ASTN2: variants seen among roughly 807,000 people sequenced by gnomAD.
ASTN2 encodes astrotactin-2.
Under a neutral mutation model 139.8 loss-of-function variants are expected in ASTN2, and 54 were observed. The observed-to-expected ratio is 0.39, with a 90% CI of 0.31 to 0.48. The LOEUF (loss-of-function observed/expected upper bound fraction) is 0.48. ASTN2 is among the 20% of genes least tolerant of loss of function. The pLI, the probability that ASTN2 is intolerant of heterozygous loss-of-function variation, is 0.95. For synonymous variants in ASTN2, 756 were observed against 719.5 expected (o/e 1.05, Z -0.81); for missense variants, 1,565 against 1,725.1 (o/e 0.91, Z 1.64).
At chr9:117,168,959 G>A (rs1830729041) in intron 3 of ASTN2, among the ~76,000 whole-genome samples, 1 of 152,066 alleles carries the variant, frequency 6.6e-6, no homozygotes, top group African/African-American at 2.4e-5. Flanking sequence ...GTTAATTGCA[G>A]GGGCAATCTT....
intron 19 of ASTN2, among the ~76,000 whole-genome samples, chr9:116,559,010 A>G (rs772397211): frequency 2.0e-5 from 3 of 152,198 alleles, no homozygotes; most frequent in Non-Finnish European, 2.9e-5. Context: ...CATGCAACAG[A>G]TTGTTGCCTT....
intron 11 of ASTN2, among the ~76,000 whole-genome samples, chr9:116,843,209 T>C (rs1317439971): frequency 2.0e-5 from 3 of 152,122 alleles, no homozygotes; most frequent in Admixed American, 6.5e-5. Flanking sequence ...AACTGGTGGA[T>C]TGGATTTAAA....
rs764578400 is a variant in ASTN2 at position 116,651,665 on chromosome 9, C to T, written c.2935G>A (p.Glu979Lys). ...CAGGTAGATGGACAGCGCCCCTTCTCCTCACAGCGAATCTCCACACCTGAA... is the reference window on the plus strand; with the variant it reads ...CAGGTAGATGGACAGCGCCCCTTCTTCTCACAGCGAATCTCCACACCTGAA... The part of the protein sequence containing the change: ...LISGVEIRCE[E>K]KGRCPSTCHL... The change falls in exon 17 of 23, where the codon GAG becomes AAG. Residue 979 changes from glutamate to lysine, a missense_variant. By Grantham distance (56) the Glu-to-Lys change is moderately conservative. Transcript: ENST00000313400. 4.3e-6 allele frequency: 7 copies of T among 1,614,048 alleles called. No individual in the cohort carries two copies. The highest frequency in any genetic ancestry group is 5.9e-6 in the Non-Finnish European group (7 of 1,180,034).
At chr9:116,519,693 T>A (rs183687718) in intron 19 of ASTN2, among the ~76,000 whole-genome samples, 1 of 150,832 alleles carries the variant, frequency 6.6e-6, no homozygotes, top group African/African-American at 2.4e-5. Context: ...AACAAGAAAA[T>A]ACGAAAGATA....
In ASTN2 at chr9:116,425,434, G is replaced by A. The variant is rs888152878; in HGVS notation, c.*417C>T. ...AAGAGGTCAAAACTGTCTCCTCTAG[G>A]GGTCAGGTCAAAACTGTCCCTCCAT... On this transcript the variant is annotated 3_prime_UTR_variant, in exon 23 of 23. Transcript: ENST00000313400. 2 of 822,112 alleles carry A rather than the reference G, an allele frequency of 2.4e-6. No individual in the cohort carries two copies. Among genetic ancestry groups the A allele is most frequent in the Non-Finnish European group, 4.0e-6 (2 of 503,950 alleles). 50.9% of individuals were successfully genotyped at this position (822,112 alleles called of 1,614,324 possible). A position where few individuals can be genotyped will look rare whatever the true frequency, so the allele number is the denominator to read the frequency against.
At chr9:116,597,313 T>G (rs953222078) in intron 19 of ASTN2, among the ~76,000 whole-genome samples, 1 of 143,232 alleles carries the variant, frequency 7.0e-6, no homozygotes, top group Non-Finnish European at 1.5e-5. Flanking sequence ...TTTTTTTTTT[T>G]TTTTTTTTTT....
chr9:117,241,224 T>TC (rs1159959124), intron 2 of ASTN2, among the ~76,000 whole-genome samples: 5 of 152,204 alleles, frequency 3.3e-5, no homozygotes, highest in Non-Finnish European at 7.3e-5. Context: ...ACTCATGAGT[T>TC]CTTTCTAATG....
chr9:116,664,114 T>G (rs892576966), intron 16 of ASTN2, among the ~76,000 whole-genome samples: 2 of 152,164 alleles, frequency 1.3e-5, no homozygotes, highest in African/African-American at 4.8e-5. Context: ...GTTGAAAAAC[T>G]ATGAAGCATC....
At position 116,698,328 on chromosome 9, in the gene ASTN2, C is replaced by G. The variant is rs761382746; in HGVS notation, c.2806+27443G>C. The G allele has an allele frequency of 6.2e-7, 1 of 1,614,104 alleles. No individual in the cohort carries two copies. Among genetic ancestry groups the G allele is most frequent in the South Asian group, 1.1e-5 (1 of 91,082 alleles). On this transcript the variant is annotated intron_variant, in intron 16 of 22. Transcript: ENST00000313400. The surrounding 1 kb of genome is among the most constrained non-coding windows in gnomAD (Gnocchi z 4.4). The stretch of plus-strand genomic sequence containing the variant: ...GTATGGGCATGAGGAGCGCAGGGTC[C>G]AGGATGAGCTGGCTCGCTCTCGGAA...
chr9:116,563,279 G>A (rs1044170926), intron 19 of ASTN2, among the ~76,000 whole-genome samples: 6 of 152,082 alleles, frequency 3.9e-5, no homozygotes, highest in Admixed American at 3.9e-4. Flanking sequence ...GGAGGCTGAG[G>A]CAGGAGAATG....
chr9:116,885,572 A>C (rs1479557147), intron 10 of ASTN2, among the ~76,000 whole-genome samples: 2 of 152,144 alleles, frequency 1.3e-5, no homozygotes, highest in Non-Finnish European at 2.9e-5. Context: ...AGGCTGAGGC[A>C]GGGGAATCTC....
chr9:116,454,977 T>G (rs1848284518), intron 20 of ASTN2, among the ~76,000 whole-genome samples: 1 of 151,872 alleles, frequency 6.6e-6, no homozygotes, highest in South Asian at 2.1e-4. Context: ...ACATGGCACA[T>G]GTATACATAT....
intron 5 of ASTN2, among the ~76,000 whole-genome samples, chr9:117,052,946 G>C (rs1393347935): frequency 1.3e-5 from 2 of 152,216 alleles, no homozygotes; most frequent in African/African-American, 4.8e-5. Context: ...CATGCCAGGA[G>C]AGGACACCAG....
intron 7 of ASTN2, among the ~76,000 whole-genome samples, chr9:117,002,051 C>G (rs1002265541): frequency 3.3e-5 from 5 of 152,130 alleles, no homozygotes; most frequent in Admixed American, 6.5e-5. Flanking sequence ...ATTTAGGGAT[C>G]TTATGTTCCT....
intron 10 of ASTN2, among the ~76,000 whole-genome samples, chr9:116,898,258 A>G (rs925206671): frequency 9.2e-5 from 14 of 151,958 alleles, no homozygotes; most frequent in African/African-American, 3.1e-4. Context: ...AATAGAAAAA[A>G]TAGCGCCAAG....
chr9:116,899,546 G>A (rs531415731), intron 10 of ASTN2, among the ~76,000 whole-genome samples: 3 of 152,300 alleles, frequency 2.0e-5, no homozygotes, highest in African/African-American at 7.2e-5. Flanking sequence ...GACAGTGGAA[G>A]ATATCTGACA....
chr9:116,811,655 T>C (rs1490828446), intron 12 of ASTN2, among the ~76,000 whole-genome samples: 5 of 152,194 alleles, frequency 3.3e-5, no homozygotes, highest in Non-Finnish European at 7.4e-5. Flanking sequence ...TCATAATCTA[T>C]TAAGGAAAAT....
chr9:117,076,215 G>A (rs947922240), intron 5 of ASTN2, among the ~76,000 whole-genome samples: 1 of 152,162 alleles, frequency 6.6e-6, no homozygotes, highest in Non-Finnish European at 1.5e-5. Flanking sequence ...TGGTAAGCAC[G>A]CTGGAGTGGG....
intron 4 of ASTN2, among the ~76,000 whole-genome samples, chr9:117,127,680 T>TG (rs1829725317): frequency 7.7e-6 from 1 of 130,382 alleles, no homozygotes; most frequent in Non-Finnish European, 1.6e-5. Context: ...TGGTTTTTTT[T>TG]TTTTTTTTTT....
Sources: allele counts gnomAD v4.1 joint callset (sites outside exome capture counted in the v4.1 genomes callset), GRCh38; gene constraint gnomAD v4.1.1; non-coding constraint Gnocchi (gnomAD v3.1); transcripts MANE v1.5; gene names NCBI Gene and HGNC (gene_info 2026-07-23, HGNC 2026-07-21).